EYA4: variants seen among roughly 807,000 people sequenced by gnomAD.
EYA4 encodes the protein EYA transcriptional coactivator and phosphatase 4.
A neutral mutation model predicts 87.9 loss-of-function variants in EYA4; 31 were observed. The observed-to-expected ratio is 0.35, with a 90% confidence interval of 0.27 to 0.48. The LOEUF is 0.48. Among genes scored for constraint, EYA4 ranks in the 20% least tolerant of loss-of-function variants. The pLI is 0.99. For synonymous variants in EYA4, 263 were observed against 270.6 expected (o/e 0.97, Z 0.28); for missense variants, 678 against 761.4 (o/e 0.89, Z 1.29).
chr6:133,475,502 C>T (rs577134224), intron 11 of EYA4, among the ~76,000 whole-genome samples: 1 of 152,184 alleles, frequency 6.6e-6, no homozygotes, highest in South Asian at 2.1e-4. Context: ...TCATTTCACT[C>T]TCTGAAAAGA....
At chr6:133,496,732 G>A (rs554240563) in intron 13 of EYA4, among the ~76,000 whole-genome samples, 20 of 152,262 alleles carry the variant, frequency 1.3e-4, no homozygotes, top group Admixed American at 4.6e-4. Flanking sequence ...GATAATGTAC[G>A]TATATAAAAA....
intron 2 of EYA4, among the ~76,000 whole-genome samples, chr6:133,373,327 A>G (rs1049685622): frequency 2.6e-5 from 4 of 152,052 alleles, no homozygotes; most frequent in African/African-American, 9.6e-5. Flanking sequence ...AAACATTCCA[A>G]TATCTTTAAA....
chr6:133,302,609 A>G (rs1158409492), intron 2 of EYA4, among the ~76,000 whole-genome samples: 1 of 152,224 alleles, frequency 6.6e-6, no homozygotes, highest in Non-Finnish European at 1.5e-5. Flanking sequence ...TTAAGAAAAT[A>G]TATACACAGT....
intron 2 of EYA4, among the ~76,000 whole-genome samples, chr6:133,349,003 G>C (rs1383967198): frequency 6.6e-6 from 1 of 152,160 alleles, no homozygotes. Flanking sequence ...GACATTGTCT[G>C]TTATCTGTCT....
intron 2 of EYA4, among the ~76,000 whole-genome samples, chr6:133,293,553 T>C (rs751404411): frequency 1.3e-5 from 2 of 152,162 alleles, no homozygotes; most frequent in African/African-American, 2.4e-5. Context: ...GCACCTTAAC[T>C]GCTCTGAACC....
intron 2 of EYA4, among the ~76,000 whole-genome samples, chr6:133,280,641 C>T (rs1777546331): frequency 6.6e-6 from 1 of 152,172 alleles, no homozygotes; most frequent in South Asian, 2.1e-4. Context: ...CATGATCTGC[C>T]TCGTTGGCCT....
chr6:133,451,820 G>T (rs994518498), intron 5 of EYA4, among the ~76,000 whole-genome samples: 75 of 152,206 alleles, frequency 4.9e-4, no homozygotes, highest in African/African-American at 1.6e-3. Flanking sequence ...CAGCTTTAGT[G>T]TTTTTTTCTA....
At chr6:133,313,474 T>G (rs1211785309) in intron 2 of EYA4, among the ~76,000 whole-genome samples, 1 of 152,226 alleles carries the variant, frequency 6.6e-6, no homozygotes, top group Non-Finnish European at 1.5e-5. Flanking sequence ...CCTCTCTTTT[T>G]AATTTTATCT....
At chr6:133,369,233 T>C (rs1407615598) in intron 2 of EYA4, among the ~76,000 whole-genome samples, 1 of 152,164 alleles carries the variant, frequency 6.6e-6, no homozygotes, top group Admixed American at 6.6e-5. Context: ...TAAAAGGGAA[T>C]GTTAATATCA....
At chr6:133,311,172 C>T (rs1780184123) in intron 2 of EYA4, among the ~76,000 whole-genome samples, 1 of 152,198 alleles carries the variant, frequency 6.6e-6, no homozygotes, top group Non-Finnish European at 1.5e-5. Context: ...TCCTGTTCTA[C>T]TGCCTTCACA....
chr6:133,246,672 G>T (rs1774434903), intron 1 of EYA4, among the ~76,000 whole-genome samples: 1 of 151,980 alleles, frequency 6.6e-6, no homozygotes, highest in Non-Finnish European at 1.5e-5. Flanking sequence ...GGTCACTGTA[G>T]TCTTTAGATA....
In EYA4 at chr6:133,317,596, A is replaced by G. The variant is rs78940043; in HGVS notation, c.33+42783A>G. On this transcript the variant is annotated intron_variant, in intron 2 of 19. Transcript: ENST00000355286. ...AAAATGTGCTTAGATTAATAAGTGT[A>G]AAAATAATCATAAAATAATACATCT... is the stretch of plus-strand genomic sequence containing the variant. Among the ~76,000 whole-genome samples the G allele has an allele frequency of 5.3e-4, 80 of 152,326 alleles. 1 individual carries two copies. The East Asian group carries it at 0.015, about 28-fold the overall frequency.
At chr6:133,348,670 C>T (rs1490375917) in intron 2 of EYA4, among the ~76,000 whole-genome samples, 2 of 152,114 alleles carry the variant, frequency 1.3e-5, no homozygotes, top group Non-Finnish European at 2.9e-5. Context: ...CAACCTAGAC[C>T]TCTTCCCTGA....
chr6:133,354,908 G>T (rs2128433143), intron 2 of EYA4, among the ~76,000 whole-genome samples: 1 of 152,250 alleles, frequency 6.6e-6, no homozygotes, highest in Non-Finnish European at 1.5e-5. Context: ...ATGAAAGTTT[G>T]TGGGAAATCT....
intron 9 of EYA4, among the ~76,000 whole-genome samples, chr6:133,463,076 A>G (rs1052476492): frequency 6.6e-6 from 1 of 152,166 alleles, no homozygotes; most frequent in Non-Finnish European, 1.5e-5. Flanking sequence ...TAAGCAATTT[A>G]AAAGATCTGT....
At chr6:133,353,084 T>C (rs900842927) in intron 2 of EYA4, among the ~76,000 whole-genome samples, 5 of 152,134 alleles carry the variant, frequency 3.3e-5, no homozygotes, top group Admixed American at 6.5e-5. Context: ...TTGGAATAAA[T>C]TTCACATGTA....
intron 3 of EYA4, among the ~76,000 whole-genome samples, chr6:133,402,160 G>GAC (rs1012032936): frequency 5.9e-5 from 9 of 151,584 alleles, no homozygotes; most frequent in African/African-American, 7.3e-5. Flanking sequence ...TAGGGACACA[G>GAC]ACACACACAC....
At chr6:133,484,057 T>C (rs1796483043) in intron 13 of EYA4, among the ~76,000 whole-genome samples, 1 of 152,152 alleles carries the variant, frequency 6.6e-6, no homozygotes, top group African/African-American at 2.4e-5. Flanking sequence ...TATAACATCA[T>C]TATTACAAAC....
intron 2 of EYA4, among the ~76,000 whole-genome samples, chr6:133,337,219 G>A (rs1782435915): frequency 1.3e-5 from 2 of 152,126 alleles, no homozygotes; most frequent in South Asian, 4.1e-4. Context: ...TACACAGAAT[G>A]GATGGCTGTG....
Sources: gnomAD v4.1 joint callset for allele counts (sites outside exome capture counted in the v4.1 genomes callset) on GRCh38, gnomAD v4.1.1 for gene constraint, MANE v1.5 for transcripts, NCBI Gene and HGNC (gene_info 2026-07-23, HGNC 2026-07-21) for gene names.